AFF1: variants seen among roughly 807,000 people sequenced by gnomAD.
The protein encoded by AFF1 is ALF transcription elongation factor 1.
Under a neutral mutation model 121.7 loss-of-function variants are expected in AFF1, and 48 were observed. That is an observed-to-expected ratio of 0.39 (90% CI 0.31 to 0.50). AFF1 has a LOEUF of 0.50. AFF1 is among the 20% of genes least tolerant of loss of function. AFF1 has a pLI of 0.76. For synonymous variants in AFF1, 613 were observed against 563.0 expected (o/e 1.09, Z -1.26); for missense variants, 1,523 against 1,511.7 (o/e 1.01, Z -0.12).
Position 87,127,177 on chromosome 4 carries a change from C to CA in AFF1, c.2903+60_2903+61insA, listed in dbSNP as rs1560657671. On this transcript the variant is annotated intron_variant, in intron 15 of 20. Transcript: ENST00000395146. The stretch of plus-strand genomic sequence containing the variant: ...TGTTTTGTTTTGCTTCCCCCCCCCA[C>CA]CAAGATAGAGTCTCACTCTGTCACC... 2.4e-5 allele frequency: 31 copies of CA among 1,299,178 alleles called. 2 individuals are homozygous for CA. The highest frequency in any genetic ancestry group is 2.1e-4 in the South Asian group (18 of 84,450). The allele number at this position is 1,299,178 out of a possible 1,614,324, so 80.5% of individuals were successfully genotyped here.
chr4:87,065,930 T>TA (rs1329228590), intron 4 of AFF1, among the ~76,000 whole-genome samples: 1 of 152,224 alleles, frequency 6.6e-6, no homozygotes, highest in African/African-American at 2.4e-5. Flanking sequence ...AGAAGGCTTT[T>TA]ATGATGATAA....
Position 87,093,384 on chromosome 4 carries a change from T to G in AFF1, c.1229-1531T>G, listed in dbSNP as rs72879922. On this transcript the variant is annotated intron_variant, in intron 7 of 20. Transcript: ENST00000395146. ...GTAGGATGAAGAGGATGGTGGGGTA[T>G]GGATGGATATAGCTTTCAGTGAAGA... Among the ~76,000 whole-genome samples, 195 of 152,282 alleles carry G rather than the reference T, an allele frequency of 1.3e-3. 1 individual carries two copies. The highest frequency in any genetic ancestry group is 4.4e-3 in the African/African-American group (184 of 41,556).
intron 4 of AFF1, among the ~76,000 whole-genome samples, chr4:87,062,786 A>G (rs938710821): frequency 6.6e-6 from 1 of 152,196 alleles, no homozygotes; most frequent in Non-Finnish European, 1.5e-5. Context: ...CTTATTTATA[A>G]CTAGTGGTGA....
In AFF1 at chr4:87,002,716, A is replaced by G. The variant is rs1725822659; in HGVS notation, c.39-43450A>G. Among the ~76,000 whole-genome samples, 5 of 152,190 alleles carry G rather than the reference A, an allele frequency of 3.3e-5. No homozygotes were observed. In the South Asian group the frequency reaches 1.0e-3, roughly 32 times the overall value. On this transcript the variant is annotated intron_variant, in intron 2 of 20. Coordinates refer to ENST00000395146, the MANE Select transcript of AFF1 (RefSeq NM_001166693.3). ...GAGCCACCGTGCCCAGCTGGGCAAT[A>G]AAGATTAACGGGCGATTTTACTCCT...
At chr4:87,050,879 G>A (rs894106924) in intron 4 of AFF1, among the ~76,000 whole-genome samples, 25 of 152,190 alleles carry the variant, frequency 1.6e-4, no homozygotes, top group Non-Finnish European at 2.8e-4. Flanking sequence ...GTTCTTTTCT[G>A]TCTAGAGATA....
chr4:87,059,050 G>T (rs1196606497), intron 4 of AFF1, among the ~76,000 whole-genome samples: 1 of 152,152 alleles, frequency 6.6e-6, no homozygotes, highest in African/African-American at 2.4e-5. Context: ...GGAGGCTGCT[G>T]TTCCCACTCC....
chr4:87,085,344 T>C (rs373394439), intron 5 of AFF1, among the ~76,000 whole-genome samples: 1 of 150,596 alleles, frequency 6.6e-6, no homozygotes, highest in East Asian at 1.9e-4. Context: ...GGGTTTTGTG[T>C]ATTTTTTATC....
chr4:86,980,428 G>A (rs7671609), intron 2 of AFF1, among the ~76,000 whole-genome samples: 6,391 of 152,222 alleles, frequency 0.042, 436 homozygotes, highest in African/African-American at 0.15. Flanking sequence ...GCAGTGTGCT[G>A]TGATTATGCC....
At chr4:87,046,551 G>A in intron 3 of AFF1, 144 bp from the exon 4 acceptor site, 1 of 979,486 alleles carries the variant, frequency 1.0e-6, no homozygotes, top group Non-Finnish European at 1.5e-6. Flanking sequence ...CTCAACAGGG[G>A]AATTGAGTTA....
intron 2 of AFF1, among the ~76,000 whole-genome samples, chr4:87,015,956 G>A (rs1047003774): frequency 1.3e-5 from 2 of 152,212 alleles, no homozygotes; most frequent in Non-Finnish European, 2.9e-5. Flanking sequence ...CCAGGCAGGC[G>A]GATCACCTGA....
intron 2 of AFF1, among the ~76,000 whole-genome samples, chr4:87,019,514 C>T (rs1441939340): frequency 2.6e-5 from 4 of 152,164 alleles, no homozygotes; most frequent in Admixed American, 2.6e-4. Flanking sequence ...TAGATCATAC[C>T]CTTTTTGTCC....
In AFF1 at chr4:87,043,827, T is replaced by C. The variant is rs570953937; in HGVS notation, c.39-2339T>C. Among the ~76,000 whole-genome samples, 77 of 32,588 alleles carry C rather than the reference T, an allele frequency of 2.4e-3. 2 individuals are homozygous for C. Among genetic ancestry groups the C allele is most frequent in the Admixed American group, 0.019 (72 of 3,870 alleles). 21.4% of individuals were successfully genotyped at this position (32,588 alleles called of 152,430 possible). A position where few individuals can be genotyped will look rare whatever the true frequency, so the allele number is the denominator to read the frequency against. Reference sequence around the variant, plus strand: ...GATAATTTTTTCTTTCTTTCTTTCTTTTTTTTTTTGAGACGGAGTCTCGCG... The same window carrying C: ...GATAATTTTTTCTTTCTTTCTTTCTCTTTTTTTTTGAGACGGAGTCTCGCG... On this transcript the variant is annotated intron_variant, in intron 2 of 20. Transcript: ENST00000395146.
intron 2 of AFF1, among the ~76,000 whole-genome samples, chr4:87,001,290 C>T (rs2149520731): frequency 7.4e-6 from 1 of 135,746 alleles, no homozygotes; most frequent in Admixed American, 8.7e-5. Flanking sequence ...AATCTCGGCT[C>T]ACTGCAACCT....
chr4:86,976,131 G>C (rs1016023254), intron 2 of AFF1, among the ~76,000 whole-genome samples: 3 of 152,178 alleles, frequency 2.0e-5, no homozygotes, highest in African/African-American at 4.8e-5. Context: ...GGGGCACACA[G>C]AGTTTTTATT....
At chr4:87,049,599 A>G in intron 4 of AFF1, 1 of 447,918 alleles carries the variant, frequency 2.2e-6, no homozygotes, top group Non-Finnish European at 4.5e-6. Flanking sequence ...GCACCAGTGC[A>G]TCTGCTGTCA....
intron 4 of AFF1, among the ~76,000 whole-genome samples, chr4:87,062,716 G>A (rs188004505): frequency 6.6e-6 from 1 of 150,716 alleles, no homozygotes; most frequent in East Asian, 1.9e-4. Flanking sequence ...TTTGATTTTA[G>A]CAATATTAAT....
At chr4:87,033,650 T>G (rs1729277524) in intron 2 of AFF1, among the ~76,000 whole-genome samples, 1 of 152,102 alleles carries the variant, frequency 6.6e-6, no homozygotes, top group South Asian at 2.1e-4. Context: ...AGAGAAGAGG[T>G]GCCTTTTAAA....
At position 87,105,690 on chromosome 4, in the gene AFF1, T is replaced by C; in HGVS notation, c.1338+8T>C. ...GACAGTGACAGTGAACAAGTAAGTG[T>C]TGCACAGCCTGTAATACCAGGAGTC... is the stretch of plus-strand genomic sequence containing the variant. On this transcript the variant is annotated splice_region_variant and intron_variant, in intron 9 of 20. Transcript: ENST00000395146. 1 of 1,614,210 alleles carries C rather than the reference T, an allele frequency of 6.2e-7. No homozygotes were observed. The highest frequency in any genetic ancestry group is 8.5e-7 in the Non-Finnish European group (1 of 1,180,026).
At position 87,108,092 on chromosome 4, in the gene AFF1, G is replaced by T. The variant is rs1323992614; in HGVS notation, c.1377-67G>T. On this transcript the variant is annotated intron_variant, in intron 10 of 20. Transcript: ENST00000395146. ...GCCCTTTTGAGTAGCAGGAAAATGG[G>T]CAAGGGAGAAAGAAGAAATCCACCT... is the stretch of plus-strand genomic sequence containing the variant. 7 of 1,559,786 alleles carry T rather than the reference G, an allele frequency of 4.5e-6. No homozygotes were observed. The East Asian group carries it at 1.1e-4, about 25-fold the overall frequency.
Sources: allele counts gnomAD v4.1 joint callset (sites outside exome capture counted in the v4.1 genomes callset), GRCh38; gene constraint gnomAD v4.1.1; transcripts MANE v1.5; gene names NCBI Gene and HGNC (gene_info 2026-07-23, HGNC 2026-07-21).